Variants in NELL2 observed in about 807,000 individuals in gnomAD.
The protein encoded by NELL2 is neural EGFL like 2.
Under a neutral mutation model 109.6 loss-of-function variants are expected in NELL2, and 41 were observed. The observed-to-expected ratio is 0.37, with a 90% CI of 0.29 to 0.49. The LOEUF is 0.49. Ranked by LOEUF, NELL2 falls within the 20% of genes least tolerant of loss-of-function variation. The pLI, the probability that NELL2 is intolerant of heterozygous loss-of-function variation, is 0.98. For missense variants in NELL2, 900 were observed against 1,008.3 expected, an observed-to-expected ratio of 0.89 and a Z score of 1.45; for synonymous variants, 355 against 344.7, an observed-to-expected ratio of 1.03 and a Z score of -0.33.
chr12:44,521,882 T>TTATA (rs908288331), intron 18 of NELL2, 118 bp downstream of exon 18: 22 of 975,274 alleles, frequency 2.3e-5, no homozygotes, highest in Non-Finnish European at 3.4e-5. Context: ...GGCTCACTGT[T>TTATA]TATAACTGTC....
Position 44,618,383 on chromosome 12 carries a change from G to C in NELL2, c.1445-7413C>G, listed in dbSNP as rs537604715. 5.9e-5 allele frequency among the ~76,000 whole-genome samples: 9 copies of C among 152,186 alleles called. 1 individual carries two copies. In the South Asian group the frequency reaches 1.9e-3, roughly 32 times the overall value. The stretch of plus-strand genomic sequence containing the variant: ...TTTCTTCTAGTCTTTTCACTGGTGT[G>C]CTCAGCCTCCTTTCCTAATCCTTAT... On this transcript the variant is annotated intron_variant, in intron 13 of 19. Transcript: ENST00000429094.
At chr12:44,876,595 C>T (rs1395715056), upstream of NELL2, 1 of 1,544,906 alleles carries the variant, frequency 6.5e-7, no homozygotes, top group African/African-American at 1.4e-5. Flanking sequence ...GATGGGCGGT[C>T]TTTGCTCTCA....
chr12:44,607,168 C>T lies in NELL2; in HGVS notation c.1663+1G>A. On this transcript the variant is annotated splice_donor_variant, in intron 15 of 19. Transcript: ENST00000429094. LOFTEE classifies it high-confidence loss of function. ...TCTAGAAGATGAAATGATATTCTTA[C>T]CCGTTTCACAGCTGGGTCCAGTGAA... The T allele has an allele frequency of 6.2e-7, 1 of 1,610,042 alleles. No homozygotes were observed. Among genetic ancestry groups the T allele is most frequent in the Non-Finnish European group, 8.5e-7 (1 of 1,177,738 alleles).
At chr12:44,730,261 G>C (rs533533380) in intron 9 of NELL2, among the ~76,000 whole-genome samples, 1 of 152,128 alleles carries the variant, frequency 6.6e-6, no homozygotes, top group East Asian at 1.9e-4. Flanking sequence ...GGAAACAGAA[G>C]ACTTGAAAAA....
intron 9 of NELL2, among the ~76,000 whole-genome samples, chr12:44,734,306 T>C (rs545115355): frequency 3.9e-5 from 6 of 151,982 alleles, no homozygotes; most frequent in Non-Finnish European, 8.8e-5. Context: ...TTCTTTTGCA[T>C]GGTCTATATT....
In NELL2 at chr12:44,637,955, T is replaced by C. The variant is rs115215081; in HGVS notation, c.1445-26985A>G. Among the ~76,000 whole-genome samples, 172 of 152,210 alleles carry C rather than the reference T, an allele frequency of 1.1e-3. 1 individual carries two copies. The highest frequency in any genetic ancestry group is 3.8e-3 in the African/African-American group (157 of 41,570). ...CACATTGGTCCAACCTGTTTCACTG[T>C]GACCTTTTGGTAACAGTATGGACCA... On this transcript the variant is annotated intron_variant, in intron 13 of 19. Transcript: ENST00000429094.
chr12:44,621,015 T>A (rs1946036616), intron 13 of NELL2, among the ~76,000 whole-genome samples: 1 of 152,150 alleles, frequency 6.6e-6, no homozygotes, highest in Non-Finnish European at 1.5e-5. Flanking sequence ...AGGCACCACA[T>A]CCTCATTAAA....
intron 13 of NELL2, among the ~76,000 whole-genome samples, chr12:44,613,157 A>T (rs1945687877): frequency 6.6e-6 from 1 of 152,064 alleles, no homozygotes; most frequent in Non-Finnish European, 1.5e-5. Flanking sequence ...TTGTGCGAAG[A>T]TACCTTAGTC....
chr12:44,635,044 G>GT (rs1167176647), intron 13 of NELL2, among the ~76,000 whole-genome samples: 4 of 151,936 alleles, frequency 2.6e-5, no homozygotes, highest in East Asian at 1.9e-4. Context: ...GTGATGATGA[G>GT]TTTTTTTTCA....
intron 13 of NELL2, among the ~76,000 whole-genome samples, chr12:44,634,856 G>A (rs533054283): frequency 6.6e-6 from 1 of 151,600 alleles, no homozygotes; most frequent in Non-Finnish European, 1.5e-5. Flanking sequence ...AGTACTTATG[G>A]GTGAGAACAT....
At chr12:44,725,845 A>G (rs1302831729) in intron 9 of NELL2, among the ~76,000 whole-genome samples, 1 of 152,168 alleles carries the variant, frequency 6.6e-6, no homozygotes, top group Admixed American at 6.5e-5. Context: ...ACTGTGGTCT[A>G]TTTGATGAGG....
intron 12 of NELL2, among the ~76,000 whole-genome samples, chr12:44,684,672 T>C (rs548454746): frequency 2.2e-4 from 33 of 152,372 alleles, no homozygotes; most frequent in African/African-American, 7.9e-4. Flanking sequence ...CATTTCGTTA[T>C]GTACCCACTA....
intron 15 of NELL2, among the ~76,000 whole-genome samples, chr12:44,595,806 C>T (rs1414419570): frequency 2.6e-5 from 4 of 152,066 alleles, no homozygotes; most frequent in Non-Finnish European, 4.4e-5. Flanking sequence ...ATTCAGCCTT[C>T]TAATTATCTT....
intron 9 of NELL2, among the ~76,000 whole-genome samples, chr12:44,742,920 A>G (rs367888343): frequency 2.6e-5 from 4 of 152,182 alleles, no homozygotes; most frequent in Admixed American, 2.0e-4. Context: ...AGCAAGGCAG[A>G]CCAACATTCA....
At chr12:44,765,911 G>C (rs28523813) in intron 9 of NELL2, among the ~76,000 whole-genome samples, 14,116 of 152,056 alleles carry the variant, frequency 0.093, 676 homozygotes, top group South Asian at 0.14. Context: ...GATCACTTTA[G>C]GTGTTTGAGA....
intron 9 of NELL2, among the ~76,000 whole-genome samples, chr12:44,758,065 C>A (rs1467622193): frequency 1.3e-5 from 2 of 151,932 alleles, no homozygotes; most frequent in Non-Finnish European, 2.9e-5. Context: ...CACACACACT[C>A]CCCCGCCACA....
chr12:44,799,905 G>C (rs1222596832), intron 3 of NELL2, among the ~76,000 whole-genome samples: 2 of 152,104 alleles, frequency 1.3e-5, no homozygotes, highest in Non-Finnish European at 2.9e-5. Flanking sequence ...TCTACAGAGA[G>C]GAAGTGGAAT....
intron 19 of NELL2, among the ~76,000 whole-genome samples, chr12:44,513,013 C>T (rs910894288): frequency 6.6e-6 from 1 of 151,718 alleles, no homozygotes; most frequent in Non-Finnish European, 1.5e-5. Context: ...TAAAAAATAC[C>T]CTAATTACCC....
chr12:44,527,234 T>C (rs1017427305), intron 16 of NELL2, among the ~76,000 whole-genome samples: 4 of 152,166 alleles, frequency 2.6e-5, no homozygotes, highest in Non-Finnish European at 5.9e-5. Flanking sequence ...GTATCAAAAG[T>C]TCAAAAAACT....
Sources: allele counts gnomAD v4.1 joint callset (sites outside exome capture counted in the v4.1 genomes callset), GRCh38; gene constraint gnomAD v4.1.1; transcripts MANE v1.5; gene names NCBI Gene and HGNC (gene_info 2026-07-23, HGNC 2026-07-21).